KCTD1: variants seen among roughly 807,000 people sequenced by gnomAD.
KCTD1 encodes the protein potassium channel tetramerization domain containing 1, also known as BTB/POZ domain-containing protein KCTD1.
KCTD1 carries 24 observed loss-of-function variants against 66.0 expected under a neutral mutation model. The observed-to-expected ratio is 0.36, with a 90% CI of 0.26 to 0.51. The LOEUF is 0.51. Among genes scored for constraint, KCTD1 ranks in the 20% least tolerant of loss-of-function variants. The pLI is 0.95. For missense variants in KCTD1, 943 were observed against 1,205.2 expected (o/e 0.78, Z 3.22); for synonymous variants, 511 against 517.2 (o/e 0.99, Z 0.16).
At chr18:26,474,669 T>TA (rs1207761634) in intron 3 of KCTD1, among the ~76,000 whole-genome samples, 1 of 152,246 alleles carries the variant, frequency 6.6e-6, no homozygotes, top group African/African-American at 2.4e-5. Context: ...CATAGATTTT[T>TA]AAGATAGATC....
intron 1 of KCTD1, among the ~76,000 whole-genome samples, chr18:26,508,344 AG>A (rs1446614705): frequency 1.3e-5 from 2 of 152,212 alleles, no homozygotes; most frequent in Non-Finnish European, 2.9e-5. Flanking sequence ...ATTTGACTTC[AG>A]GCATCTTTCA....
intron 1 of KCTD1, among the ~76,000 whole-genome samples, chr18:26,557,331 G>C (rs577828201): frequency 6.6e-6 from 1 of 152,312 alleles, no homozygotes; most frequent in South Asian, 2.1e-4. Context: ...TGTGGCTACT[G>C]TTCCCAGTGC....
chr18:26,639,851 C>A (rs539226017), intron 1 of KCTD1, among the ~76,000 whole-genome samples: 4 of 152,184 alleles, frequency 2.6e-5, no homozygotes, highest in Non-Finnish European at 4.4e-5. Flanking sequence ...CACCTGTATT[C>A]CGAATCCTTG....
chr18:26,468,104 C>A lies in KCTD1; in HGVS notation c.2134-8179G>T, dbSNP rs1980848176. On this transcript the variant is annotated intron_variant, in intron 3 of 4. Transcript: ENST00000580059. This position sits in a 1 kb window ranked among gnomAD's most constrained non-coding sequence, Gnocchi z 4.8. ...ACTCTTGGTGTGCTGAGAGTTGCAA[C>A]CACGTGTGTGTGTGTGCCTATGCAT... is the stretch of plus-strand genomic sequence containing the variant. Among the ~76,000 whole-genome samples, 1 of 152,144 alleles carries A rather than the reference C, an allele frequency of 6.6e-6. No individual in the cohort carries two copies. Among genetic ancestry groups the A allele is most frequent in the South Asian group, 2.1e-4 (1 of 4,828 alleles).
intron 1 of KCTD1, among the ~76,000 whole-genome samples, chr18:26,628,394 T>C (rs144442723): frequency 1.3e-5 from 2 of 152,268 alleles, no homozygotes; most frequent in African/African-American, 2.4e-5. Flanking sequence ...ATAATTCCCA[T>C]GTACCATTTC....
intron 2 of KCTD1, among the ~76,000 whole-genome samples, chr18:26,496,295 T>G (rs1315475007): frequency 6.6e-6 from 1 of 152,226 alleles, no homozygotes; most frequent in Admixed American, 6.5e-5. Context: ...AAACAAAATA[T>G]GTTCTATCTT....
At chr18:26,466,966 G>A (rs1238942097) in intron 3 of KCTD1, among the ~76,000 whole-genome samples, 1 of 152,132 alleles carries the variant, frequency 6.6e-6, no homozygotes, top group East Asian at 1.9e-4. Flanking sequence ...AGGGCATTGT[G>A]GAGTCAAGCA....
intron 1 of KCTD1, among the ~76,000 whole-genome samples, chr18:26,507,690 C>A (rs917568579): frequency 6.6e-6 from 1 of 151,982 alleles, no homozygotes; most frequent in African/African-American, 2.4e-5. Context: ...CCCTTCTTTA[C>A]TGACACTATA....
chr18:26,455,629 A>G lies in KCTD1; in HGVS notation c.*114T>C. 1 of 1,329,736 alleles carries G rather than the reference A, an allele frequency of 7.5e-7. No homozygotes were observed. 82.4% of individuals were successfully genotyped at this position (1,329,736 alleles called of 1,614,324 possible). A position where few individuals can be genotyped will look rare whatever the true frequency, so the allele number is the denominator to read the frequency against. On this transcript the variant is annotated 3_prime_UTR_variant, in exon 5 of 5. Coordinates refer to ENST00000580059, the MANE Select transcript of KCTD1 (RefSeq NM_001142730.3). ...TCTATTGGATATAAATGTGTCTTTTATTCGATTTTACGTCCAGGACTTGGT... is the reference window on the plus strand; with the variant it reads ...TCTATTGGATATAAATGTGTCTTTTGTTCGATTTTACGTCCAGGACTTGGT...
intron 1 of KCTD1, among the ~76,000 whole-genome samples, chr18:26,648,072 C>G (rs1436283601): frequency 1.3e-5 from 2 of 152,076 alleles, no homozygotes; most frequent in Non-Finnish European, 2.9e-5. Flanking sequence ...TCTCAAACTC[C>G]TAACCTCAAG....
intron 4 of KCTD1, chr18:26,457,385 A>G (rs998068918): frequency 3.3e-5 from 5 of 152,226 alleles, no homozygotes; most frequent in Non-Finnish European, 5.9e-5. Flanking sequence ...TGCAGCCCTC[A>G]GCAAGAGGCA....
At position 26,548,270 on chromosome 18, in the gene KCTD1, C is replaced by T. The variant is rs779784037; in HGVS notation, c.267G>A (p.Glu89=). Residue 89 remains glutamate, a synonymous_variant, in exon 1 of 5, where the codon GAG becomes GAA. Transcript: ENST00000580059. ...CCATCTCCTCCTCTTCCTCCTCCTC[C>T]TCGTCCTCCTCCAGCCCCCCACCTC... The part of the protein sequence containing the change: ...EDGGGGLEED[E]EEEEEEEMGL... 1.7e-5 allele frequency: 25 copies of T among 1,509,974 alleles called. No homozygotes were observed. Among genetic ancestry groups the T allele is most frequent in the Middle Eastern group, 2.2e-4 (1 of 4,566 alleles). The allele number at this position is 1,509,974 out of a possible 1,614,324, so 93.5% of individuals were successfully genotyped here.
intron 1 of KCTD1, among the ~76,000 whole-genome samples, chr18:26,532,614 G>T (rs747143010): frequency 1.3e-5 from 2 of 152,108 alleles, no homozygotes; most frequent in Non-Finnish European, 2.9e-5. Context: ...TCTCTGGGCC[G>T]CCATCTCCTC....
chr18:26,552,987 CTTTT>C (rs773910506), upstream of KCTD1, among the ~76,000 whole-genome samples: 1 of 137,194 alleles, frequency 7.3e-6, no homozygotes, highest in Non-Finnish European at 1.6e-5. Context: ...CTTTTTCTTT[CTTTT>C]TTTTTTTTTT....
intron 1 of KCTD1, among the ~76,000 whole-genome samples, chr18:26,598,870 G>A (rs532579532): frequency 1.9e-4 from 29 of 151,992 alleles, no homozygotes; most frequent in Non-Finnish European, 4.0e-4. Flanking sequence ...AGTTGTGAGG[G>A]TTCTTTATAT....
intron 1 of KCTD1, among the ~76,000 whole-genome samples, chr18:26,578,119 C>T (rs866419997): frequency 3.4e-5 from 5 of 147,138 alleles, no homozygotes; most frequent in African/African-American, 1.0e-4. Flanking sequence ...TGCAGTGCTC[C>T]GATCTCGGCT....
At chr18:26,640,146 G>T (rs1350553114) in intron 1 of KCTD1, among the ~76,000 whole-genome samples, 1 of 152,170 alleles carries the variant, frequency 6.6e-6, no homozygotes, top group Non-Finnish European at 1.5e-5. Flanking sequence ...AGTAAGTGTA[G>T]AGAATGAGAG....
upstream of KCTD1, among the ~76,000 whole-genome samples, chr18:26,550,569 C>G (rs913304250): frequency 4.0e-5 from 5 of 124,170 alleles, no homozygotes; most frequent in Non-Finnish European, 8.4e-5. This position sits in a 1 kb window ranked among gnomAD's most constrained non-coding sequence, Gnocchi z 5.4. Context: ...CACACAGACA[C>G]ACACACACAC....
upstream of KCTD1, among the ~76,000 whole-genome samples, chr18:26,641,551 C>T (rs1276551121): frequency 1.3e-5 from 2 of 152,146 alleles, no homozygotes; most frequent in African/African-American, 4.8e-5. Flanking sequence ...CATTTCCCCA[C>T]TGGTCTCCAT....
Sources: gnomAD v4.1 joint callset for allele counts (sites outside exome capture counted in the v4.1 genomes callset) on GRCh38, gnomAD v4.1.1 for gene constraint, Gnocchi (gnomAD v3.1) non-coding constraint, MANE v1.5 for transcripts, NCBI Gene and HGNC (gene_info 2026-07-23, HGNC 2026-07-21) for gene names.